GRM8: variants seen among roughly 807,000 people sequenced by gnomAD.
GRM8 encodes the protein glutamate metabotropic receptor 8, also known as metabotropic glutamate receptor 8.
GRM8 carries 47 observed loss-of-function variants against 87.2 expected under a neutral mutation model. The observed-to-expected ratio is 0.54, with a 90% confidence interval of 0.43 to 0.69. The LOEUF (loss-of-function observed/expected upper bound fraction) is 0.69, where lower values mean the gene tolerates loss of function less well. Among genes scored for constraint, GRM8 ranks in the 30% least tolerant of loss-of-function variants. The pLI is 0.00. For missense variants in GRM8, 1,019 were observed against 1,139.2 expected, an observed-to-expected ratio of 0.89 and a Z score of 1.52; for synonymous variants, 396 against 404.5, an observed-to-expected ratio of 0.98 and a Z score of 0.25.
At chr7:126,944,393 G>A (rs1807303638) in intron 3 of GRM8, among the ~76,000 whole-genome samples, 1 of 152,144 alleles carries the variant, frequency 6.6e-6, no homozygotes, top group African/African-American at 2.4e-5. Flanking sequence ...TCCTGGCCTT[G>A]GGCTGTGGCC....
intron 2 of GRM8, among the ~76,000 whole-genome samples, chr7:127,157,221 GA>G (rs1489233533): frequency 1.4e-5 from 2 of 144,948 alleles, no homozygotes; most frequent in Admixed American, 6.8e-5. Flanking sequence ...AGAGGAGAAA[GA>G]AAAAGAAAGA....
intron 3 of GRM8, among the ~76,000 whole-genome samples, chr7:126,955,131 G>T (rs952186929): frequency 3.3e-5 from 5 of 152,256 alleles, no homozygotes; most frequent in African/African-American, 9.6e-5. Flanking sequence ...ATGAGGAAAA[G>T]GTGTATATGT....
intron 9 of GRM8, among the ~76,000 whole-genome samples, chr7:126,462,750 T>C (rs1804025555): frequency 6.6e-6 from 1 of 151,692 alleles, no homozygotes; most frequent in East Asian, 1.9e-4. Context: ...ACTTTTATTG[T>C]CGTGGAGGAA....
intron 8 of GRM8, among the ~76,000 whole-genome samples, chr7:126,534,749 T>C (rs187952250): frequency 1.3e-5 from 2 of 152,348 alleles, no homozygotes; most frequent in Admixed American, 1.3e-4. Context: ...CTTTTCTTAT[T>C]AGACACAGTA....
chr7:126,552,466 A>G (rs570063010), intron 8 of GRM8, among the ~76,000 whole-genome samples: 49 of 152,338 alleles, frequency 3.2e-4, no homozygotes, highest in Admixed American at 7.8e-4. Flanking sequence ...TAGCATAAAC[A>G]TAATAAAGCA....
chr7:126,675,369 G>T (rs1806854495), intron 7 of GRM8, among the ~76,000 whole-genome samples: 1 of 152,128 alleles, frequency 6.6e-6, no homozygotes, highest in South Asian at 2.1e-4. Flanking sequence ...TGAGAAGGAG[G>T]AATCCTCCCT....
chr7:127,225,185 G>A (rs1797242017), intron 2 of GRM8, among the ~76,000 whole-genome samples: 1 of 151,768 alleles, frequency 6.6e-6, no homozygotes, highest in Non-Finnish European at 1.5e-5. Context: ...TCACAAGGTG[G>A]GGAGCACAGT....
chr7:127,016,862 G>A (rs373307335), intron 3 of GRM8, among the ~76,000 whole-genome samples: 3 of 152,028 alleles, frequency 2.0e-5, no homozygotes, highest in East Asian at 3.9e-4. Flanking sequence ...CTAAAATAAA[G>A]TTTATTAAAA....
At chr7:126,904,779 G>A in intron 3 of GRM8, 96 bp from the exon 4 acceptor site, 1 of 1,072,958 alleles carries the variant, frequency 9.3e-7, no homozygotes, top group Admixed American at 2.1e-5. Flanking sequence ...ACTTCTGTAT[G>A]AATATTATTT....
chr7:127,175,307 A>G (rs1794038461), intron 2 of GRM8, among the ~76,000 whole-genome samples: 1 of 152,160 alleles, frequency 6.6e-6, no homozygotes, highest in Non-Finnish European at 1.5e-5. Context: ...TGTCAATATA[A>G]ACTTCAAGAA....
chr7:126,820,816 C>A (rs931951745), intron 6 of GRM8, among the ~76,000 whole-genome samples: 1 of 152,164 alleles, frequency 6.6e-6, no homozygotes, highest in Admixed American at 6.5e-5. Flanking sequence ...AATTAAAGAC[C>A]ATCCTAGGGC....
intron 8 of GRM8, among the ~76,000 whole-genome samples, chr7:126,573,374 T>C (rs1349535061): frequency 6.6e-6 from 1 of 152,076 alleles, no homozygotes; most frequent in Non-Finnish European, 1.5e-5. Context: ...TATATATATT[T>C]TAGCATTTTT....
chr7:126,473,049 C>A (rs530907971), intron 9 of GRM8, among the ~76,000 whole-genome samples: 6 of 152,292 alleles, frequency 3.9e-5, no homozygotes, highest in African/African-American at 1.2e-4. Flanking sequence ...TCCTAGAGAA[C>A]CTCTGCTAAG....
chr7:126,741,166 T>A (rs568131446), intron 7 of GRM8, among the ~76,000 whole-genome samples: 6 of 152,148 alleles, frequency 3.9e-5, no homozygotes, highest in African/African-American at 1.4e-4. Context: ...ACCAAAAAGC[T>A]TTTAGAAAAT....
At chr7:126,855,539 G>A (rs568315226) in intron 6 of GRM8, among the ~76,000 whole-genome samples, 1 of 149,578 alleles carries the variant, frequency 6.7e-6, no homozygotes, top group Non-Finnish European at 1.5e-5. Flanking sequence ...GCAATAGAGT[G>A]ATCTTGGCTC....
chr7:126,555,377 C>T (rs1218484599), intron 8 of GRM8, among the ~76,000 whole-genome samples: 1 of 152,158 alleles, frequency 6.6e-6, no homozygotes, highest in Non-Finnish European at 1.5e-5. Context: ...GCAGAATAAC[C>T]AACAGTGTAT....
chr7:126,945,942 TTC>T (rs376557763), intron 3 of GRM8, among the ~76,000 whole-genome samples: 92 of 152,292 alleles, frequency 6.0e-4, no homozygotes, highest in African/African-American at 2.2e-3. Context: ...CTCTGCCTAA[TTC>T]TGTGTTTTTC....
intron 3 of GRM8, among the ~76,000 whole-genome samples, chr7:126,924,998 A>G (rs946302593): frequency 1.3e-5 from 2 of 152,182 alleles, no homozygotes; most frequent in African/African-American, 4.8e-5. Context: ...GAGAAAGAAA[A>G]GATATAGAAA....
At chr7:126,548,363 G>T (rs188091053) in intron 8 of GRM8, among the ~76,000 whole-genome samples, 18 of 151,604 alleles carry the variant, frequency 1.2e-4, no homozygotes, top group African/African-American at 4.1e-4. Context: ...AATATCCTCT[G>T]GTAGAAAGTT....
Sources: allele counts gnomAD v4.1 joint callset (sites outside exome capture counted in the v4.1 genomes callset), GRCh38; gene constraint gnomAD v4.1.1; transcripts MANE v1.5; gene names NCBI Gene and HGNC (gene_info 2026-07-23, HGNC 2026-07-21).